The following CCDC146 variants were observed in gnomAD, a reference collection of about 807,000 sequenced individuals.
CCDC146 encodes coiled-coil domain-containing protein 146.
Under a neutral mutation model 119.3 loss-of-function variants are expected in CCDC146, and 92 were observed. The ratio of observed to expected loss-of-function variants is 0.77; its 90% confidence interval spans 0.65 to 0.92. The LOEUF is 0.92. Among genes scored for constraint, CCDC146 ranks in the 40% least tolerant of loss-of-function variants. The pLI, the probability that CCDC146 is intolerant of heterozygous loss-of-function variation, is 0.00. For synonymous variants in CCDC146, 372 were observed against 371.8 expected, an observed-to-expected ratio of 1.00 and a Z score of -0.01; for missense variants, 1,000 against 1,103.0, an observed-to-expected ratio of 0.91 and a Z score of 1.32.
chr7:77,252,033 C>T (rs3108423), intron 4 of CCDC146, among the ~76,000 whole-genome samples: 103,085 of 151,872 alleles, frequency 0.68, 38,725 homozygotes, highest in Non-Finnish European at 0.86. Context: ...CCTATGGTCC[C>T]AGCTATCCAG....
intron 2 of CCDC146, among the ~76,000 whole-genome samples, chr7:77,200,979 A>G (rs1189440689): frequency 6.6e-6 from 1 of 152,200 alleles, no homozygotes; most frequent in African/African-American, 2.4e-5. Flanking sequence ...CCTATCTCAT[A>G]TTTATGTCTT....
chr7:77,254,875 C>T (rs1419325729), intron 5 of CCDC146, among the ~76,000 whole-genome samples: 1 of 152,216 alleles, frequency 6.6e-6, no homozygotes, highest in African/African-American at 2.4e-5. Context: ...AGCTATCACC[C>T]TCATAGCTCT....
At chr7:77,135,755 A>C (rs1790852739) in intron 1 of CCDC146, among the ~76,000 whole-genome samples, 1 of 152,254 alleles carries the variant, frequency 6.6e-6, no homozygotes. Context: ...AGACCCAACC[A>C]TAGGATGTCT....
intron 17 of CCDC146, among the ~76,000 whole-genome samples, chr7:77,290,482 G>A (rs1793925268): frequency 6.6e-6 from 1 of 152,184 alleles, no homozygotes; most frequent in African/African-American, 2.4e-5. Flanking sequence ...AGGAAAGGCA[G>A]CAACATTTAA....
At chr7:77,167,487 T>A (rs1330323851) in intron 1 of CCDC146, among the ~76,000 whole-genome samples, 171 bp from the exon 2 acceptor site, 2 of 152,038 alleles carry the variant, frequency 1.3e-5, no homozygotes, top group Non-Finnish European at 2.9e-5. Context: ...AGAGAGTGTC[T>A]TTGCAAAAAA....
chr7:77,170,286 G>A lies in CCDC146; in HGVS notation c.156+2462G>A, dbSNP rs1249353108. Among the ~76,000 whole-genome samples, 7 of 152,200 alleles carry A rather than the reference G, an allele frequency of 4.6e-5. No homozygotes were observed. In the East Asian group the frequency reaches 1.3e-3, roughly 29 times the overall value. ...GGATTGTGGTCTCCAGCTCTTCTAT[G>A]TCTCTGTGAAGGACATGATTTCATC... On this transcript the variant is annotated intron_variant, in intron 2 of 18. Transcript: ENST00000285871.
At chr7:77,161,700 A>G (rs1791264721) in intron 1 of CCDC146, among the ~76,000 whole-genome samples, 1 of 151,158 alleles carries the variant, frequency 6.6e-6, no homozygotes, top group African/African-American at 2.4e-5. Flanking sequence ...TGACGAGTTA[A>G]TGGGTGCAGC....
At chr7:77,254,373 T>G (rs1793137395) in intron 4 of CCDC146, 133 bp from the exon 5 acceptor site, 3 of 575,020 alleles carry the variant, frequency 5.2e-6, no homozygotes, top group Non-Finnish European at 9.2e-6. Context: ...AAAGGTGTCA[T>G]AAAGAATGGA....
chr7:77,125,227 C>T (rs1241846660), intron 1 of CCDC146, among the ~76,000 whole-genome samples: 3 of 151,282 alleles, frequency 2.0e-5, no homozygotes, highest in Non-Finnish European at 2.9e-5. Flanking sequence ...CCAAATAAGA[C>T]AGTATTACAT....
chr7:77,206,482 G>T (rs887314826), intron 2 of CCDC146, among the ~76,000 whole-genome samples: 1 of 152,026 alleles, frequency 6.6e-6, no homozygotes, highest in Admixed American at 6.6e-5. Flanking sequence ...AGGTGTGGTG[G>T]TGTGTGTCTG....
At chr7:77,237,524 G>A (rs1166300191) in intron 3 of CCDC146, among the ~76,000 whole-genome samples, 1 of 152,176 alleles carries the variant, frequency 6.6e-6, no homozygotes, top group African/African-American at 2.4e-5. Flanking sequence ...AGCTGCAGGT[G>A]GGCAAAAGGA....
At chr7:77,181,083 TACTC>T (rs1791579919) in intron 2 of CCDC146, among the ~76,000 whole-genome samples, 2 of 152,230 alleles carry the variant, frequency 1.3e-5, no homozygotes, top group African/African-American at 2.4e-5. Context: ...GATAGTTTAT[TACTC>T]ACAGTTCCTG....
intron 1 of CCDC146, among the ~76,000 whole-genome samples, chr7:77,154,061 G>A (rs1250534410): frequency 1.3e-5 from 2 of 151,640 alleles, no homozygotes; most frequent in Non-Finnish European, 2.9e-5. Context: ...AAGGTGACAT[G>A]TGATATAATT....
chr7:77,154,106 T>C (rs1410873123), intron 1 of CCDC146, among the ~76,000 whole-genome samples: 3 of 151,824 alleles, frequency 2.0e-5, no homozygotes, highest in African/African-American at 7.3e-5. Flanking sequence ...GGCAAAATTA[T>C]AGGAACAGAG....
intron 2 of CCDC146, among the ~76,000 whole-genome samples, chr7:77,215,634 A>C (rs190886182): frequency 6.6e-6 from 1 of 152,220 alleles, no homozygotes; most frequent in Admixed American, 6.5e-5. Flanking sequence ...TTACACAGGG[A>C]ATTTATTTAA....
chr7:77,202,385 C>A (rs924336167), intron 2 of CCDC146, among the ~76,000 whole-genome samples: 2 of 152,202 alleles, frequency 1.3e-5, no homozygotes, highest in Non-Finnish European at 2.9e-5. Context: ...GCTTTTGGTT[C>A]ATCTGTTTGA....
At chr7:77,260,332 A>G in intron 8 of CCDC146, 96 bp downstream of exon 8, 1 of 787,234 alleles carries the variant, frequency 1.3e-6, no homozygotes, top group Non-Finnish European at 2.0e-6. Flanking sequence ...TGAGTTAATA[A>G]ATATTTAAAA....
At chr7:77,126,213 C>T (rs3114367) in intron 1 of CCDC146, among the ~76,000 whole-genome samples, 13,365 of 152,072 alleles carry the variant, frequency 0.088, 872 homozygotes, top group Non-Finnish European at 0.12. Flanking sequence ...TGAAGATGAT[C>T]ATATTGTTTT....
chr7:77,262,551 C>G (rs572111337), intron 9 of CCDC146, among the ~76,000 whole-genome samples: 18 of 152,238 alleles, frequency 1.2e-4, no homozygotes, highest in Middle Eastern at 3.4e-3. Context: ...TCAGCCTGAC[C>G]TGGGGAAATG....
Sources: gnomAD v4.1 joint callset for allele counts (sites outside exome capture counted in the v4.1 genomes callset) on GRCh38, gnomAD v4.1.1 for gene constraint, MANE v1.5 for transcripts, NCBI Gene and HGNC (gene_info 2026-07-23, HGNC 2026-07-21) for gene names.